GPR158: variants seen among roughly 807,000 people sequenced by gnomAD.
The protein encoded by GPR158 is G protein-coupled receptor 158, also known as metabotropic glycine receptor.
A neutral mutation model predicts 78.2 loss-of-function variants in GPR158; 30 were observed. The observed-to-expected ratio is 0.38, with a 90% CI of 0.29 to 0.52. The LOEUF (loss-of-function observed/expected upper bound fraction) is 0.52. Among genes scored for constraint, GPR158 ranks in the 20% least tolerant of loss-of-function variants. The probability of loss-of-function intolerance (pLI) is 0.83; values close to 1 mark genes in which losing one functional copy is unlikely to be tolerated. For missense variants in GPR158, 1,463 were observed against 1,523.5 expected (o/e 0.96, Z 0.66); for synonymous variants, 581 against 591.1 (o/e 0.98, Z 0.25).
At chr10:25,296,081 A>G (rs930056326) in intron 2 of GPR158, among the ~76,000 whole-genome samples, 3 of 149,652 alleles carry the variant, frequency 2.0e-5, no homozygotes, top group Admixed American at 2.0e-4. Context: ...CTAAGCAAGG[A>G]TGTCAGCTGA....
intron 2 of GPR158, among the ~76,000 whole-genome samples, chr10:25,340,477 G>A (rs1335574204): frequency 6.6e-6 from 1 of 151,994 alleles, no homozygotes. Context: ...ACTATGTCTA[G>A]TATGTTCATG....
chr10:25,298,638 T>C (rs1183981700), intron 2 of GPR158, among the ~76,000 whole-genome samples: 1 of 152,178 alleles, frequency 6.6e-6, no homozygotes, highest in Non-Finnish European at 1.5e-5. Flanking sequence ...AATTAAAAGG[T>C]GGGTTGTTCA....
chr10:25,390,220 A>AG (rs34894847), intron 2 of GPR158, among the ~76,000 whole-genome samples: 1 of 152,152 alleles, frequency 6.6e-6, no homozygotes, highest in African/African-American at 2.4e-5. Context: ...GTACCGGTAG[A>AG]GGGGGGTACT....
At chr10:25,251,211 G>T (rs1853792892) in intron 2 of GPR158, among the ~76,000 whole-genome samples, 1 of 152,096 alleles carries the variant, frequency 6.6e-6, no homozygotes, top group Non-Finnish European at 1.5e-5. Context: ...GTGTGTCTCT[G>T]CACATGAGAT....
rs1554793351 is a variant in GPR158 at position 25,317,716 on chromosome 10, G to GTTTTGTTT, written c.1009-78191_1009-78190insGTTTTTTT. 1.4e-3 allele frequency among the ~76,000 whole-genome samples: 188 copies of GTTTTGTTT among 134,008 alleles called. 9 individuals are homozygous for GTTTTGTTT. Among genetic ancestry groups the GTTTTGTTT allele is most frequent in the African/African-American group, 4.4e-3 (137 of 31,178 alleles). 87.9% of individuals were successfully genotyped at this position (134,008 alleles called of 152,430 possible). A position where few individuals can be genotyped will look rare whatever the true frequency, so the allele number is the denominator to read the frequency against. Reference sequence around the variant, plus strand: ...TTAAATTCTGTTTTCTTCGTAAAGTGTTTTTTTTTGTTTTGTTTTGTTTTG... The same window carrying GTTTTGTTT: ...TTAAATTCTGTTTTCTTCGTAAAGTGTTTTGTTTTTTTTTTTTGTTTTGTTTTGTTTTG... On this transcript the variant is annotated intron_variant, in intron 2 of 10. Transcript: ENST00000376351.
chr10:25,230,364 C>G (rs1432647686), intron 2 of GPR158, among the ~76,000 whole-genome samples: 1 of 152,136 alleles, frequency 6.6e-6, no homozygotes, highest in Non-Finnish European at 1.5e-5. Flanking sequence ...TGAGGTTGTT[C>G]TCTATATCTG....
At chr10:25,284,790 A>T (rs947128213) in intron 2 of GPR158, among the ~76,000 whole-genome samples, 4 of 151,834 alleles carry the variant, frequency 2.6e-5, no homozygotes, top group African/African-American at 9.7e-5. Context: ...CAAATATTTT[A>T]GTGGTTACTG....
chr10:25,364,647 AC>A (rs1254337063), intron 2 of GPR158, among the ~76,000 whole-genome samples: 5 of 151,784 alleles, frequency 3.3e-5, no homozygotes. Context: ...GTTCCTGAAT[AC>A]CTTTCCTGTC....
At chr10:25,234,151 G>C (rs1185896310) in intron 2 of GPR158, among the ~76,000 whole-genome samples, 1 of 152,138 alleles carries the variant, frequency 6.6e-6, no homozygotes, top group Non-Finnish European at 1.5e-5. Context: ...GCACTCATCA[G>C]CTACTGCATG....
intron 2 of GPR158, among the ~76,000 whole-genome samples, chr10:25,247,369 G>A (rs1296808345): frequency 6.9e-6 from 1 of 145,680 alleles, no homozygotes; most frequent in African/African-American, 2.6e-5. Flanking sequence ...CATTGTGCAG[G>A]TTAGTTACAT....
At chr10:25,550,931 G>A (rs201002460) in intron 5 of GPR158, 45 bp from the exon 6 acceptor site, 2 of 952,682 alleles carry the variant, frequency 2.1e-6, no homozygotes, top group Admixed American at 3.4e-5. Flanking sequence ...GGGTCTGTGG[G>A]TCATCAGTTG....
chr10:25,463,749 C>T (rs888982646), intron 4 of GPR158, among the ~76,000 whole-genome samples: 4 of 152,038 alleles, frequency 2.6e-5, no homozygotes, highest in African/African-American at 9.6e-5. Flanking sequence ...TCTTTTCTGT[C>T]CTTCCTCACC....
chr10:25,573,480 G>A (rs540209554), intron 7 of GPR158, among the ~76,000 whole-genome samples: 31 of 152,322 alleles, frequency 2.0e-4, no homozygotes, highest in African/African-American at 6.3e-4. Flanking sequence ...CTGAGAACCT[G>A]GAGAACTTTG....
At chr10:25,292,367 TTG>T (rs1588779439) in intron 2 of GPR158, among the ~76,000 whole-genome samples, 1 of 152,164 alleles carries the variant, frequency 6.6e-6, no homozygotes, top group East Asian at 1.9e-4. Flanking sequence ...AATGAGCTGG[TTG>T]CTCCTTTTCT....
intron 2 of GPR158, among the ~76,000 whole-genome samples, chr10:25,223,335 G>T (rs1428823807): frequency 6.6e-6 from 1 of 152,140 alleles, no homozygotes; most frequent in Non-Finnish European, 1.5e-5. Flanking sequence ...TACTGGAGTT[G>T]GGAAGAAAGA....
chr10:25,313,673 T>C (rs1455441621), intron 2 of GPR158, among the ~76,000 whole-genome samples: 1 of 152,206 alleles, frequency 6.6e-6, no homozygotes, highest in African/African-American at 2.4e-5. Context: ...CTATAGTTCT[T>C]GGAATAAATC....
intron 2 of GPR158, among the ~76,000 whole-genome samples, chr10:25,320,210 C>G (rs1258516258): frequency 6.6e-6 from 1 of 152,176 alleles, no homozygotes; most frequent in African/African-American, 2.4e-5. Flanking sequence ...TATATCTCAC[C>G]CTTCACACAC....
chr10:25,410,135 C>T (rs2130546404), intron 3 of GPR158, among the ~76,000 whole-genome samples: 1 of 152,250 alleles, frequency 6.6e-6, no homozygotes, highest in Middle Eastern at 3.4e-3. Context: ...GTACATTTCC[C>T]AGTAATTATC....
intron 5 of GPR158, among the ~76,000 whole-genome samples, chr10:25,468,452 T>C (rs1332584138): frequency 1.3e-5 from 2 of 152,174 alleles, no homozygotes; most frequent in African/African-American, 2.4e-5. Flanking sequence ...CTTCCCAAAT[T>C]TGTGAGGAAG....
Sources: gnomAD v4.1 joint callset for allele counts (sites outside exome capture counted in the v4.1 genomes callset) on GRCh38, gnomAD v4.1.1 for gene constraint, MANE v1.5 for transcripts, NCBI Gene and HGNC (gene_info 2026-07-23, HGNC 2026-07-21) for gene names.